The following CEMIP variants were observed in gnomAD, a reference collection of about 807,000 sequenced individuals.
CEMIP encodes the protein cell migration inducing hyaluronidase 1, also known as cell migration-inducing and hyaluronan-binding protein.
Under a neutral mutation model 156.9 loss-of-function variants are expected in CEMIP, and 105 were observed. The observed-to-expected ratio is 0.67, with a 90% confidence interval of 0.57 to 0.79. The LOEUF (loss-of-function observed/expected upper bound fraction) is 0.79. Among genes scored for constraint, CEMIP ranks in the 30% least tolerant of loss-of-function variants. The probability of loss-of-function intolerance (pLI) is 0.00; values close to 1 mark genes in which losing one functional copy is unlikely to be tolerated. For synonymous variants in CEMIP, 676 were observed against 668.4 expected (o/e 1.01, Z -0.17); for missense variants, 1,457 against 1,769.4 (o/e 0.82, Z 3.17).
chr15:80,931,790 G>A (rs79639213), intron 21 of CEMIP, 69 bp from the exon 22 acceptor site: 56 of 1,513,950 alleles, frequency 3.7e-5, no homozygotes, highest in African/African-American at 3.0e-4. Context: ...TTAGACTGAC[G>A]TCTTACTTCC....
At chr15:80,867,350 A>T (rs1384964109) in intron 1 of CEMIP, among the ~76,000 whole-genome samples, 1 of 152,162 alleles carries the variant, frequency 6.6e-6, no homozygotes, top group Non-Finnish European at 1.5e-5. Context: ...TATTTTTAGG[A>T]ATTAGAAGCA....
intron 1 of CEMIP, among the ~76,000 whole-genome samples, chr15:80,823,956 C>T (rs772488294): frequency 6.6e-6 from 1 of 152,174 alleles, no homozygotes; most frequent in Non-Finnish European, 1.5e-5. Flanking sequence ...TGGGATTTAA[C>T]CCCCAATGTG....
At chr15:80,888,354 A>T (rs1229355809) in intron 8 of CEMIP, among the ~76,000 whole-genome samples, 2 of 152,174 alleles carry the variant, frequency 1.3e-5, no homozygotes, top group Non-Finnish European at 2.9e-5. Context: ...GCGACACTTT[A>T]GATGGGCCTT....
At chr15:80,942,426 C>A in intron 27 of CEMIP, 89 bp downstream of exon 27, 1 of 1,150,722 alleles carries the variant, frequency 8.7e-7, no homozygotes, top group Non-Finnish European at 1.3e-6. Context: ...TTACTGCAAA[C>A]TGGGAGCAAG....
intron 1 of CEMIP, among the ~76,000 whole-genome samples, chr15:80,788,715 T>C (rs1896007492): frequency 6.6e-6 from 1 of 152,164 alleles, no homozygotes; most frequent in African/African-American, 2.4e-5. Context: ...TTAATCCATA[T>C]GTTTTAGATC....
At chr15:80,819,613 A>C (rs1398956734) in intron 1 of CEMIP, among the ~76,000 whole-genome samples, 1 of 152,222 alleles carries the variant, frequency 6.6e-6, no homozygotes, top group Non-Finnish European at 1.5e-5. Context: ...TACCCTCTAC[A>C]GCATTCATAA....
intron 1 of CEMIP, among the ~76,000 whole-genome samples, chr15:80,845,042 C>G (rs1897519966): frequency 6.6e-6 from 1 of 152,042 alleles, no homozygotes; most frequent in South Asian, 2.1e-4. Flanking sequence ...TAATATATAT[C>G]CATAAATATT....
At position 80,932,039 on chromosome 15, in the gene CEMIP, G is replaced by A. The variant is rs201941601; in HGVS notation, c.2793G>A (p.Pro931=). The A allele has an allele frequency of 2.0e-5, 33 of 1,612,882 alleles. No homozygotes were observed. The highest frequency in any genetic ancestry group is 1.6e-4 in the Middle Eastern group (1 of 6,080). ...NVTGIAFEDV[P]ITSRVFFGEP... ...CCGGCATTGCCTTTGAGGACGTTCC[G>A]GTGAGTGAGGCGCCAGGGCAGACTC... The change falls in exon 22 of 30, where the codon CCG becomes CCA. Residue 931 remains proline (P), a splice_region_variant and synonymous_variant. Coordinates refer to ENST00000394685, the MANE Select transcript of CEMIP (RefSeq NM_001293298.2). This position sits in a 1 kb window ranked among gnomAD's most constrained non-coding sequence, Gnocchi z 4.5.
chr15:80,846,265 A>G (rs1897554254), intron 1 of CEMIP, among the ~76,000 whole-genome samples: 1 of 152,038 alleles, frequency 6.6e-6, no homozygotes, highest in African/African-American at 2.4e-5. Flanking sequence ...TGGGACATGC[A>G]TTGACTCATT....
At chr15:80,879,615 C>T in intron 4 of CEMIP, 101 bp from the exon 5 acceptor site, 10 of 1,395,714 alleles carry the variant, frequency 7.2e-6, no homozygotes, top group Non-Finnish European at 9.1e-6. Flanking sequence ...TTTGCCTGCC[C>T]CGGTGAGATG....
At chr15:80,889,721 A>G in intron 10 of CEMIP, 129 bp downstream of exon 10, 1 of 1,170,160 alleles carries the variant, frequency 8.5e-7, no homozygotes, top group Admixed American at 1.8e-5. Flanking sequence ...GGTCAGCCAA[A>G]GAGTACCATT....
Position 80,922,118 on chromosome 15 carries a change from G to A in CEMIP, c.2183G>A (p.Arg728Gln), listed in dbSNP as rs2141925049. 1 of 1,614,224 alleles carries A rather than the reference G, an allele frequency of 6.2e-7. No homozygotes were observed. Among genetic ancestry groups the A allele is most frequent in the Non-Finnish European group, 8.5e-7 (1 of 1,180,038 alleles). Residue 728 changes from arginine to glutamine, a missense_variant, in exon 17 of 30, where the codon CGA becomes CAA. Around this residue, in one of 5 missense-constraint regions of CEMIP, gnomAD observed 798 missense variants for 980.1 expected, o/e 0.81. Coordinates refer to ENST00000394685, the MANE Select transcript of CEMIP (RefSeq NM_001293298.2). ...HIPLGKFYNN[R>Q]AHSNYRAGMI... ...CCACTGGGAAAATTCTATAACAACC[G>A]AGCACATTCCAACTACCGGGTAAGT...
chr15:80,795,283 T>A (rs544321463), intron 1 of CEMIP, among the ~76,000 whole-genome samples: 2 of 152,126 alleles, frequency 1.3e-5, no homozygotes, highest in East Asian at 3.9e-4. Context: ...CTGCTCTCTG[T>A]CTGGGTAGGT....
intron 1 of CEMIP, among the ~76,000 whole-genome samples, chr15:80,798,699 T>C (rs1476741401): frequency 6.6e-6 from 1 of 152,232 alleles, no homozygotes; most frequent in Non-Finnish European, 1.5e-5. Flanking sequence ...TGATGGGGTA[T>C]TCATATTTTT....
intron 1 of CEMIP, among the ~76,000 whole-genome samples, chr15:80,816,986 T>C (rs1020023149): frequency 5.3e-5 from 8 of 152,208 alleles, no homozygotes; most frequent in African/African-American, 1.7e-4. Flanking sequence ...TATTATATTT[T>C]TATGTTTGTA....
intron 1 of CEMIP, among the ~76,000 whole-genome samples, chr15:80,784,207 C>T (rs1049936348): frequency 6.6e-6 from 1 of 152,198 alleles, no homozygotes; most frequent in African/African-American, 2.4e-5. Context: ...CTTTGAAGAC[C>T]AGGTCTTTGA....
intron 1 of CEMIP, among the ~76,000 whole-genome samples, chr15:80,797,835 A>G (rs1896271732): frequency 1.3e-5 from 2 of 152,210 alleles, no homozygotes; most frequent in African/African-American, 2.4e-5. Flanking sequence ...AGTATAACCC[A>G]TCCTCACTAG....
chr15:80,822,336 GGTGATT>G (rs1896930615), intron 1 of CEMIP, among the ~76,000 whole-genome samples: 1 of 152,188 alleles, frequency 6.6e-6, no homozygotes, highest in Admixed American at 6.5e-5. Context: ...AGGAAGTGAG[GGTGATT>G]GATGTTTGTA....
chr15:80,810,000 C>T (rs1337162960), intron 1 of CEMIP, among the ~76,000 whole-genome samples: 1 of 152,134 alleles, frequency 6.6e-6, no homozygotes, highest in African/African-American at 2.4e-5. Flanking sequence ...TGATTTGGGA[C>T]TTTAATTACA....
Sources: gnomAD v4.1 joint callset for allele counts (sites outside exome capture counted in the v4.1 genomes callset) on GRCh38, gnomAD v4.1.1 for gene constraint, gnomAD v4.1.1 regional missense constraint, Gnocchi (gnomAD v3.1) non-coding constraint, MANE v1.5 for transcripts, NCBI Gene and HGNC (gene_info 2026-07-23, HGNC 2026-07-21) for gene names.